CLCNKA: variants seen among roughly 807,000 people sequenced by gnomAD.
The protein encoded by CLCNKA is chloride voltage-gated channel Ka.
A neutral mutation model predicts 83.3 loss-of-function variants in CLCNKA; 66 were observed. The observed-to-expected ratio is 0.79, with a 90% CI of 0.65 to 0.97. The LOEUF (loss-of-function observed/expected upper bound fraction) is 0.97, where lower values mean the gene tolerates loss of function less well. Ranked by LOEUF, CLCNKA falls within the 50% of genes least tolerant of loss-of-function variation. The pLI is 0.00. For synonymous variants in CLCNKA, 357 were observed against 370.4 expected (o/e 0.96, Z 0.42); for missense variants, 806 against 888.7 (o/e 0.91, Z 1.18).
intron 18 of CLCNKA, 108 bp from the exon 19 acceptor site, chr1:16,033,062 C>A: frequency 1.7e-6 from 2 of 1,177,128 alleles, no homozygotes; most frequent in Non-Finnish European, 2.6e-6. Flanking sequence ...GCCTCCCACA[C>A]ATATCAGGCC....
chr1:16,028,155 G>A (rs1284739789), intron 10 of CLCNKA, 36 bp downstream of exon 10: 33 of 1,588,008 alleles, frequency 2.1e-5, no homozygotes, highest in Non-Finnish European at 2.8e-5. Flanking sequence ...ACATCTCAGT[G>A]AGTCCCTTGT....
At chr1:16,026,452 G>A (rs2022350323) in intron 5 of CLCNKA, 84 bp from the exon 6 acceptor site, 1 of 1,574,822 alleles carries the variant, frequency 6.3e-7, no homozygotes. Flanking sequence ...GGAGATGGAG[G>A]AGGGGGTGTG....
In CLCNKA at chr1:16,033,444, G is replaced by A. The variant is rs554986020; in HGVS notation, c.2017-167G>A. On this transcript the variant is annotated intron_variant, in intron 19 of 19. Transcript: ENST00000331433. Reference sequence around the variant, plus strand: ...GCTCCCCTACCTTGTTTTCTGGCCAGTGGCCAGCCTGCCCTTCTCGGCCTC... The same window carrying A: ...GCTCCCCTACCTTGTTTTCTGGCCAATGGCCAGCCTGCCCTTCTCGGCCTC... Among the ~76,000 whole-genome samples the A allele has an allele frequency of 6.6e-5, 10 of 152,278 alleles. No homozygotes were observed. The South Asian group carries it at 2.1e-3, about 32-fold the overall frequency.
intron 1 of CLCNKA, among the ~76,000 whole-genome samples, 183 bp from the exon 2 acceptor site, chr1:16,022,430 G>A (rs1156804064): frequency 6.6e-6 from 1 of 152,110 alleles, no homozygotes; most frequent in Non-Finnish European, 1.5e-5. Context: ...GACACACACA[G>A]GCACACACCC....
At chr1:16,023,978 G>T (rs549336775) in intron 3 of CLCNKA, 50 bp downstream of exon 3, 3 of 1,610,578 alleles carry the variant, frequency 1.9e-6, no homozygotes, top group South Asian at 1.1e-5. Flanking sequence ...TTCTAGGCAC[G>T]CTCTGGGGAT....
chr1:16,022,611 A>G lies in CLCNKA; in HGVS notation c.-7-2A>G. 2 of 1,557,162 alleles carry G rather than the reference A, an allele frequency of 1.3e-6. No individual in the cohort carries two copies. The highest frequency in any genetic ancestry group is 1.7e-6 in the Non-Finnish European group (2 of 1,149,484). On this transcript the variant is annotated splice_acceptor_variant, in intron 1 of 19. Coordinates refer to ENST00000331433, the MANE Select transcript of CLCNKA (RefSeq NM_004070.4). LOFTEE classifies it low-confidence loss of function (5UTR_SPLICE). Reference sequence around the variant, plus strand: ...GGTCCTTCCCTCCATCTGCTTCTCCAGGGGCCTGATGGAGGAGTTGGTGGG... The same window carrying G: ...GGTCCTTCCCTCCATCTGCTTCTCCGGGGGCCTGATGGAGGAGTTGGTGGG...
At chr1:16,026,311 C>T in intron 5 of CLCNKA, 64 bp downstream of exon 5, 1 of 1,590,858 alleles carries the variant, frequency 6.3e-7, no homozygotes, top group Non-Finnish European at 8.6e-7. Context: ...AGCTCTCCCC[C>T]ATACCCCACC....
rs1354007915 is a variant in CLCNKA, at chr1:16,031,764, C to T, written c.1677C>T (p.Ala559=). 2.1e-5 allele frequency: 34 copies of T among 1,613,878 alleles called. No individual in the cohort carries two copies. The highest frequency in any genetic ancestry group is 2.8e-5 in the Non-Finnish European group (33 of 1,180,052). ...TGAACCACAGCATCACCACACTGGC[C>T]AAGGACACGCCGCTGGAGGAGGTGG... ...HFMNHSITTL[A]KDTPLEEVVK... Residue 559 remains alanine, a synonymous_variant, in exon 16 of 20, where the codon GCC becomes GCT. Coordinates refer to ENST00000331433, the MANE Select transcript of CLCNKA (RefSeq NM_004070.4).
Position 16,022,658 on chromosome 1 carries a change from G to C in CLCNKA, c.39G>C (p.Gly13=), listed in dbSNP as rs61734639. The change falls in exon 2 of 20, where the codon GGG becomes GGC. Residue 13 remains glycine (G), a synonymous_variant. Coordinates refer to ENST00000331433, the MANE Select transcript of CLCNKA (RefSeq NM_004070.4). Reference sequence around the variant, plus strand: ...TGGGGCTGCGTGAGGGCTTCTCAGGGGACCCTGTGACTCTGCAGGAGCTGT... The same window carrying C: ...TGGGGCTGCGTGAGGGCTTCTCAGGCGACCCTGTGACTCTGCAGGAGCTGT... ...ELVGLREGFS[G]DPVTLQELWG... is the part of the protein sequence containing the mutation. 6.4e-7 allele frequency: 1 copy of C among 1,568,468 alleles called. No homozygotes were observed. Among genetic ancestry groups the C allele is most frequent in the Non-Finnish European group, 8.6e-7 (1 of 1,156,462 alleles).
intron 15 of CLCNKA, 74 bp from the exon 16 acceptor site, chr1:16,031,636 C>T (rs2022627758): frequency 6.2e-7 from 1 of 1,607,630 alleles, no homozygotes; most frequent in Non-Finnish European, 8.5e-7. Context: ...AGCAAAGCTC[C>T]CCTCAGATCC....
In CLCNKA at chr1:16,023,810, G is replaced by T. The variant is rs2022234163; in HGVS notation, c.111G>T (p.Glu37Asp). The T allele has an allele frequency of 6.2e-7, 1 of 1,614,156 alleles. No individual in the cohort carries two copies. Among genetic ancestry groups the T allele is most frequent in the East Asian group, 2.2e-5 (1 of 44,888 alleles). Residue 37 changes from glutamate to aspartate, a missense_variant, in exon 3 of 20, where the codon GAG (glutamate) becomes GAT (aspartate). Coordinates refer to ENST00000331433, the MANE Select transcript of CLCNKA (RefSeq NM_004070.4). ...GATACCCTGCCCCAGGTGGCCTGGA[G>T]TGGCTAAAGCAGAAGGTGTTCCGCC... ...HIRRAIQGGLEWLKQKVFRLG... is the reference protein window; with the variant it reads ...HIRRAIQGGLDWLKQKVFRLG...
At chr1:16,027,253 C>T in intron 7 of CLCNKA, 57 bp from the exon 8 acceptor site, 2 of 1,609,742 alleles carry the variant, frequency 1.2e-6, no homozygotes, top group Non-Finnish European at 1.7e-6. Context: ...GGGAGGGGGC[C>T]CTACAGCCAC....
Position 16,026,429 on chromosome 1 carries a change from C to T in CLCNKA, c.499-107C>T, listed in dbSNP as rs2022349290. The T allele has an allele frequency of 4.6e-6, 7 of 1,523,688 alleles. No individual in the cohort carries two copies. In the South Asian group the frequency reaches 6.9e-5, roughly 15 times the overall value. 94.4% of individuals were successfully genotyped at this position (1,523,688 alleles called of 1,614,324 possible). ...TGTGACAAAAGCTACCTGAGGACAG[C>T]CCTGGGGGTTGGGGAGATGGAGGAG... On this transcript the variant is annotated intron_variant, in intron 5 of 19. Coordinates refer to ENST00000331433, the MANE Select transcript of CLCNKA (RefSeq NM_004070.4).
At chr1:16,025,841 G>C (rs1570298614) in intron 4 of CLCNKA, among the ~76,000 whole-genome samples, 1 of 152,238 alleles carries the variant, frequency 6.6e-6, no homozygotes, top group East Asian at 1.9e-4. Flanking sequence ...TGCAACCTCT[G>C]CCTCCCAGGT....
intron 7 of CLCNKA, 138 bp downstream of exon 7, chr1:16,026,913 T>C (rs533380260): frequency 2.6e-6 from 3 of 1,156,532 alleles, no homozygotes; most frequent in East Asian, 2.6e-5. Flanking sequence ...GCTTTGGGTA[T>C]AGCCACCCCC....
At chr1:16,025,039 G>T (rs1481344595) in intron 4 of CLCNKA, 148 bp downstream of exon 4, 4 of 1,081,698 alleles carry the variant, frequency 3.7e-6, no homozygotes, top group Non-Finnish European at 5.5e-6. Context: ...CAGCAAGAAG[G>T]CCAGATCTTG....
Position 16,031,753 on chromosome 1 carries a change from A to G in CLCNKA, c.1666A>G (p.Thr556Ala), listed in dbSNP as rs144453223. The G allele has an allele frequency of 4.4e-4, 704 of 1,613,848 alleles. 12 individuals are homozygous for G. In the East Asian group the frequency reaches 0.014, roughly 33 times the overall value. The change falls in exon 16 of 20, where the codon ACC becomes GCC. Residue 556 changes from threonine (T) to alanine (A), a missense_variant. Coordinates refer to ENST00000331433, the MANE Select transcript of CLCNKA (RefSeq NM_004070.4). ...GGAGCACTTCATGAACCACAGCATC[A>G]CCACACTGGCCAAGGACACGCCGCT... ...RVEHFMNHSI[T>A]TLAKDTPLEE...
chr1:16,032,495 T>A lies in CLCNKA; in HGVS notation c.1898T>A (p.Leu633Gln). ...ARGCPTEPVT[L>Q]TLFSETTLHQ... is the part of the protein sequence containing the mutation. ...GGCTGCCCCACGGAACCAGTGACCC[T>A]GACGCTATTCTCAGAGACCACCTTG... The change falls in exon 18 of 20, where the codon CTG (leucine) becomes CAG (glutamine). Residue 633 changes from leucine to glutamine, a missense_variant. Leu to Gln is a moderately radical substitution (Grantham distance 113, BLOSUM62 -2). Transcript: ENST00000331433. 6.2e-7 allele frequency: 1 copy of A among 1,613,212 alleles called. No homozygotes were observed. The highest frequency in any genetic ancestry group is 1.1e-5 in the South Asian group (1 of 91,084).
intron 8 of CLCNKA, 115 bp downstream of exon 8, chr1:16,027,550 C>G (rs1450794241): frequency 1.3e-6 from 2 of 1,537,022 alleles, no homozygotes; most frequent in East Asian, 4.5e-5. Flanking sequence ...TCCCTCTTTT[C>G]CCTCCTCCGT....
Sources: gnomAD v4.1 joint callset for allele counts (sites outside exome capture counted in the v4.1 genomes callset) on GRCh38, gnomAD v4.1.1 for gene constraint, MANE v1.5 for transcripts, NCBI Gene and HGNC (gene_info 2026-07-23, HGNC 2026-07-21) for gene names.